Variants in CDC42SE2 observed in about 807,000 individuals in gnomAD.
The protein encoded by CDC42SE2 is CDC42 small effector 2.
A neutral mutation model predicts 11.5 loss-of-function variants in CDC42SE2; 3 were observed. The ratio of observed to expected loss-of-function variants is 0.26; its 90% CI spans 0.12 to 0.67. The LOEUF (loss-of-function observed/expected upper bound fraction) is 0.67. Ranked by LOEUF, CDC42SE2 falls within the 30% of genes least tolerant of loss-of-function variation. CDC42SE2 has a pLI of 0.80. For synonymous variants in CDC42SE2, 33 were observed against 34.8 expected (o/e 0.95, Z 0.18); for missense variants, 82 against 106.8 (o/e 0.77, Z 1.02).
chr5:131,229,166 G>GGT, the CDC42SE2 span, among the ~76,000 whole-genome samples: 4,693 of 149,584 alleles, frequency 0.031, 214 homozygotes, highest in African/African-American at 0.1. Context: ...TACCTTATGG[G>GGT]GTGTGTGTGT....
chr5:131,259,296 A>C (rs778747164), upstream of CDC42SE2, among the ~76,000 whole-genome samples: 18 of 152,188 alleles, frequency 1.2e-4, no homozygotes, highest in Non-Finnish European at 2.2e-4. Flanking sequence ...CAATAGATAT[A>C]CTGTATGTTG....
intron 3 of CDC42SE2, among the ~76,000 whole-genome samples, chr5:131,384,288 C>T (rs998058618): frequency 2.0e-5 from 3 of 152,126 alleles, no homozygotes; most frequent in African/African-American, 7.2e-5. Context: ...TGCATGGGCT[C>T]GCCACTTTTG....
chr5:131,385,440 T>C, intron 3 of CDC42SE2, 103 bp from the exon 4 acceptor site: 2 of 718,714 alleles, frequency 2.8e-6, no homozygotes, highest in Non-Finnish European at 4.7e-6. Flanking sequence ...CTAGGCATTT[T>C]TGTGTTCTTG....
In CDC42SE2 at chr5:131,307,045, CTCT is replaced by C. The variant is rs1169202256; in HGVS notation, c.-454-8925_-454-8923del. ...TGTCATCAGCAAACAGATACAATTTCTCTTCTTCCTTTTTTTTTAATTTTTTTA... is the reference window on the plus strand; with the variant it reads ...TGTCATCAGCAAACAGATACAATTTCTCTTCCTTTTTTTTTAATTTTTTTA... On this transcript the variant is annotated intron_variant, in intron 1 of 4. Coordinates refer to ENST00000505065, the MANE Select transcript of CDC42SE2 (RefSeq NM_001375635.1). Among the ~76,000 whole-genome samples, 9 of 151,520 alleles carry C rather than the reference CTCT, an allele frequency of 5.9e-5. No homozygotes were observed. In the East Asian group the frequency reaches 9.7e-4, roughly 16 times the overall value.
At position 131,350,829 on chromosome 5, in the gene CDC42SE2, A is replaced by G. The variant is rs577419121; in HGVS notation, c.-285-8380A>G. On this transcript the variant is annotated intron_variant, in intron 2 of 4. Coordinates refer to ENST00000505065, the MANE Select transcript of CDC42SE2 (RefSeq NM_001375635.1). The stretch of plus-strand genomic sequence containing the variant: ...TGAAAAAGAGTATAATTGGAAGACA[A>G]ATGACTACCTTGCTTCTAAGTCTTA... Among the ~76,000 whole-genome samples the G allele has an allele frequency of 2.0e-5, 3 of 152,290 alleles. No homozygotes were observed. In the East Asian group the frequency reaches 5.8e-4, roughly 29 times the overall value.
At chr5:131,382,158 A>G (rs1750346535) in intron 3 of CDC42SE2, among the ~76,000 whole-genome samples, 2 of 152,244 alleles carry the variant, frequency 1.3e-5, no homozygotes, top group South Asian at 4.1e-4. Flanking sequence ...TTATCTAATA[A>G]CACAGTATGA....
At chr5:131,349,493 A>T (rs1758947424) in intron 2 of CDC42SE2, among the ~76,000 whole-genome samples, 1 of 152,202 alleles carries the variant, frequency 6.6e-6, no homozygotes, top group Non-Finnish European at 1.5e-5. Context: ...GTATAATAAT[A>T]ATAAAAATTT....
intron 2 of CDC42SE2, among the ~76,000 whole-genome samples, chr5:131,332,170 A>T (rs1401759092): frequency 6.6e-6 from 1 of 151,480 alleles, no homozygotes. Flanking sequence ...TCCTGTGTCC[A>T]TGTGTTCTCA....
the CDC42SE2 span, among the ~76,000 whole-genome samples, chr5:131,234,706 C>T: frequency 1.3e-5 from 2 of 151,728 alleles, no homozygotes; most frequent in Admixed American, 6.6e-5. Flanking sequence ...GGAATTGGCT[C>T]ATGCAATAAT....
intron 1 of CDC42SE2, among the ~76,000 whole-genome samples, chr5:131,290,655 T>A (rs962544557): frequency 6.6e-6 from 1 of 151,620 alleles, no homozygotes; most frequent in African/African-American, 2.4e-5. Flanking sequence ...AATTTTTGTA[T>A]TTTTAGTAGA....
chr5:131,347,255 G>A (rs1220161358), intron 2 of CDC42SE2, among the ~76,000 whole-genome samples: 2 of 151,992 alleles, frequency 1.3e-5, no homozygotes, highest in Non-Finnish European at 2.9e-5. Context: ...CCGCTAGCAA[G>A]ACTAATAAAG....
In CDC42SE2 at chr5:131,334,444, G is replaced by A. The variant is rs888176113; in HGVS notation, c.-286+18300G>A. 6.6e-5 allele frequency among the ~76,000 whole-genome samples: 10 copies of A among 152,116 alleles called. No individual in the cohort carries two copies. In the South Asian group the frequency reaches 1.0e-3, roughly 16 times the overall value. On this transcript the variant is annotated intron_variant, in intron 2 of 4. Coordinates refer to ENST00000505065, the MANE Select transcript of CDC42SE2 (RefSeq NM_001375635.1). ...AATTCTCTTTTTTGGTTGTGTCTCT[G>A]CCCGGCTTTGGTATCAGGATGATGC...
chr5:131,385,714 C>T (rs1750461974), intron 4 of CDC42SE2, 70 bp downstream of exon 4: 8 of 883,072 alleles, frequency 9.1e-6, no homozygotes, highest in Non-Finnish European at 1.5e-5. Flanking sequence ...GTGACAGGCA[C>T]AAGCATTTTT....
At chr5:131,351,428 G>T (rs562381037) in intron 2 of CDC42SE2, among the ~76,000 whole-genome samples, 2 of 149,358 alleles carry the variant, frequency 1.3e-5, no homozygotes, top group African/African-American at 5.1e-5. Context: ...CAAATTTTTT[G>T]TATTTTTAGC....
intron 3 of CDC42SE2, among the ~76,000 whole-genome samples, chr5:131,384,050 T>G (rs1037791849): frequency 6.6e-6 from 1 of 152,198 alleles, no homozygotes; most frequent in African/African-American, 2.4e-5. Flanking sequence ...AATAAAACTT[T>G]TCTAAGATAC....
chr5:131,286,663 AG>A (rs1242712697), intron 1 of CDC42SE2, among the ~76,000 whole-genome samples: 3 of 151,806 alleles, frequency 2.0e-5, no homozygotes, highest in Non-Finnish European at 2.9e-5. Context: ...CCTTCTCTTC[AG>A]TCTACTCAAC....
the CDC42SE2 span, among the ~76,000 whole-genome samples, chr5:131,228,589 T>A: frequency 6.6e-6 from 1 of 152,208 alleles, no homozygotes; most frequent in Admixed American, 6.5e-5. Flanking sequence ...TTTTTTCCTA[T>A]AGTGCAAATA....
rs73266379 is a variant in CDC42SE2 at position 131,286,873 on chromosome 5, G to A, written c.-455+22707G>A. Among the ~76,000 whole-genome samples the A allele has an allele frequency of 5.7e-3, 863 of 151,844 alleles. 13 individuals are homozygous for A. Among genetic ancestry groups the A allele is most frequent in the African/African-American group, 0.019 (772 of 41,426 alleles). Reference sequence around the variant, plus strand: ...AATGTAAGGCTCCTGGTCAGCAGTAGGCTATTAACTTTTGGGAGTCAAAAG... The same window carrying A: ...AATGTAAGGCTCCTGGTCAGCAGTAAGCTATTAACTTTTGGGAGTCAAAAG... On this transcript the variant is annotated intron_variant, in intron 1 of 4. Transcript: ENST00000505065.
intron 1 of CDC42SE2, among the ~76,000 whole-genome samples, chr5:131,282,018 A>G (rs1015097086): frequency 1.3e-5 from 2 of 152,238 alleles, no homozygotes; most frequent in Non-Finnish European, 2.9e-5. Flanking sequence ...TTGAAAGTTA[A>G]GTGCCATCAG....
Sources: gnomAD v4.1 joint callset for allele counts (sites outside exome capture counted in the v4.1 genomes callset) on GRCh38, gnomAD v4.1.1 for gene constraint, MANE v1.5 for transcripts, NCBI Gene and HGNC (gene_info 2026-07-23, HGNC 2026-07-21) for gene names.